The following SH3BGRL2 variants were observed in gnomAD, a reference collection of about 807,000 sequenced individuals.
SH3BGRL2 encodes SH3 domain-binding glutamic acid-rich-like protein 2.
Under a neutral mutation model 14.8 loss-of-function variants are expected in SH3BGRL2, and 21 were observed. That is an observed-to-expected ratio of 1.42 (90% CI 1.01 to 2.05). SH3BGRL2 has a LOEUF of 2.05. SH3BGRL2 is among the 30% of genes most tolerant of loss of function. The probability of loss-of-function intolerance (pLI) is 0.00; values close to 1 mark genes in which losing one functional copy is unlikely to be tolerated. For synonymous variants in SH3BGRL2, 50 were observed against 47.8 expected, an observed-to-expected ratio of 1.05 and a Z score of -0.19; for missense variants, 147 against 130.8, an observed-to-expected ratio of 1.12 and a Z score of -0.61.
the SH3BGRL2 span, among the ~76,000 whole-genome samples, chr6:79,559,954 G>C: frequency 2.0e-5 from 3 of 152,122 alleles, no homozygotes; most frequent in Admixed American, 6.6e-5. Context: ...ATTTGAAATT[G>C]TTTCTAAATA....
the SH3BGRL2 span, among the ~76,000 whole-genome samples, chr6:79,567,277 A>G: frequency 6.6e-6 from 1 of 152,226 alleles, no homozygotes; most frequent in Non-Finnish European, 1.5e-5. Flanking sequence ...TTTTTGTGGA[A>G]TCTGATAAAC....
In SH3BGRL2 at chr6:79,631,404, C is replaced by G. The variant is rs1187434266; in HGVS notation, c.-58C>G. On this transcript the variant is annotated 5_prime_UTR_variant, in exon 1 of 4. Coordinates refer to ENST00000369838, the MANE Select transcript of SH3BGRL2 (RefSeq NM_031469.4). The stretch of plus-strand genomic sequence containing the variant: ...CGGCTCGTAGCTGGGTTCAGCTCTG[C>G]GTCCACGCCAGCCCGGAGCCCGGGG... 1 of 1,451,272 alleles carries G rather than the reference C, an allele frequency of 6.9e-7. No individual in the cohort carries two copies. The highest frequency in any genetic ancestry group is 9.2e-7 in the Non-Finnish European group (1 of 1,091,188). The allele number at this position is 1,451,272 out of a possible 1,614,324, so 89.9% of individuals were successfully genotyped here.
the SH3BGRL2 span, among the ~76,000 whole-genome samples, chr6:79,556,919 AT>A: frequency 6.6e-6 from 1 of 152,026 alleles, no homozygotes; most frequent in Non-Finnish European, 1.5e-5. Context: ...GAATATGGGA[AT>A]TTTAAAACTT....
intron 2 of SH3BGRL2, among the ~76,000 whole-genome samples, chr6:79,677,389 G>A (rs375667594): frequency 7.9e-5 from 12 of 152,310 alleles, no homozygotes; most frequent in African/African-American, 2.6e-4. Flanking sequence ...TCATTTAGCA[G>A]TTGTATATCT....
chr6:79,580,084 G>A, the SH3BGRL2 span, among the ~76,000 whole-genome samples: 224 of 152,218 alleles, frequency 1.5e-3, 2 homozygotes, highest in East Asian at 8.3e-3. Context: ...GATCAATTCC[G>A]CAAGAAGAGC....
At chr6:79,667,567 C>T (rs1003542101) in intron 1 of SH3BGRL2, among the ~76,000 whole-genome samples, 2 of 152,018 alleles carry the variant, frequency 1.3e-5, no homozygotes, top group Non-Finnish European at 2.9e-5. Flanking sequence ...CCACCTCAGC[C>T]TCCTGAGTAG....
the SH3BGRL2 span, among the ~76,000 whole-genome samples, chr6:79,599,590 C>G: frequency 6.6e-6 from 1 of 152,122 alleles, no homozygotes; most frequent in African/African-American, 2.4e-5. Flanking sequence ...AGGCTGGTCT[C>G]AAACTCCTGG....
intron 1 of SH3BGRL2, among the ~76,000 whole-genome samples, chr6:79,664,078 T>G (rs1769608534): frequency 6.6e-6 from 1 of 152,212 alleles, no homozygotes; most frequent in South Asian, 2.1e-4. Context: ...CTGTCATGTC[T>G]TCCCTTGGAT....
the SH3BGRL2 span, among the ~76,000 whole-genome samples, chr6:79,585,809 A>G: frequency 1.3e-5 from 2 of 151,966 alleles, no homozygotes; most frequent in Non-Finnish European, 2.9e-5. Context: ...ATAGCTGTAA[A>G]GCAAGCTTGT....
chr6:79,630,978 C>T (rs1768809973), upstream of SH3BGRL2, among the ~76,000 whole-genome samples: 1 of 152,200 alleles, frequency 6.6e-6, no homozygotes, highest in Non-Finnish European at 1.5e-5. Flanking sequence ...TGTCTGTTGG[C>T]ATTTCTGGGT....
At chr6:79,644,728 C>T (rs972670875) in intron 1 of SH3BGRL2, among the ~76,000 whole-genome samples, 5 of 151,882 alleles carry the variant, frequency 3.3e-5, no homozygotes, top group African/African-American at 9.7e-5. Context: ...GTTGTTGAAG[C>T]TTAATGAAAT....
intron 1 of SH3BGRL2, among the ~76,000 whole-genome samples, chr6:79,640,954 A>G (rs1346205248): frequency 6.6e-6 from 1 of 152,216 alleles, no homozygotes; most frequent in Non-Finnish European, 1.5e-5. Context: ...AAATATAGTT[A>G]AAGTCAGCAG....
At chr6:79,575,042 G>A in the SH3BGRL2 span, 5 of 152,346 alleles carry the variant, frequency 3.3e-5, no homozygotes, top group African/African-American at 1.2e-4. Context: ...GAAGGAGTAT[G>A]ATGTCAATTC....
intron 1 of SH3BGRL2, among the ~76,000 whole-genome samples, chr6:79,657,186 T>C (rs977401360): frequency 1.3e-5 from 2 of 151,478 alleles, no homozygotes; most frequent in Non-Finnish European, 2.9e-5. Context: ...CAAGAGCCAA[T>C]GAGGAGTATA....
chr6:79,585,611 G>A, the SH3BGRL2 span, among the ~76,000 whole-genome samples: 2 of 152,060 alleles, frequency 1.3e-5, no homozygotes, highest in African/African-American at 4.8e-5. Flanking sequence ...GTGTTTCTAT[G>A]TCAGTGATCT....
intron 1 of SH3BGRL2, among the ~76,000 whole-genome samples, chr6:79,665,166 C>T (rs1769632505): frequency 6.6e-6 from 1 of 152,168 alleles, no homozygotes; most frequent in Non-Finnish European, 1.5e-5. Context: ...AGCCACTGCA[C>T]TCCAGCCTGG....
chr6:79,656,161 A>G (rs138816544), intron 1 of SH3BGRL2, among the ~76,000 whole-genome samples: 1 of 152,388 alleles, frequency 6.6e-6, no homozygotes, highest in Non-Finnish European at 1.5e-5. Context: ...AAAATGTAGG[A>G]AGCTCTAGAG....
chr6:79,559,423 G>A, the SH3BGRL2 span, among the ~76,000 whole-genome samples: 5 of 152,176 alleles, frequency 3.3e-5, no homozygotes, highest in South Asian at 1.0e-3. Flanking sequence ...AGCCAGGCAT[G>A]GATAACCCAA....
At chr6:79,682,015 T>TAC (rs10551968) in intron 2 of SH3BGRL2, among the ~76,000 whole-genome samples, 8 of 149,532 alleles carry the variant, frequency 5.4e-5, no homozygotes, top group African/African-American at 1.5e-4. Flanking sequence ...ACACACACAC[T>TAC]ACACACACAC....
Sources: allele counts gnomAD v4.1 joint callset (sites outside exome capture counted in the v4.1 genomes callset), GRCh38; gene constraint gnomAD v4.1.1; transcripts MANE v1.5; gene names NCBI Gene and HGNC (gene_info 2026-07-23, HGNC 2026-07-21).